Variants in SH3PXD2B observed in about 807,000 individuals in gnomAD.
SH3PXD2B encodes the protein SH3 and PX domain-containing protein 2B.
In SH3PXD2B, 37 loss-of-function variants were observed where a neutral mutation model predicts 73.1. The observed-to-expected ratio is 0.51, with a 90% CI of 0.39 to 0.67. The LOEUF is 0.67. Among genes scored for constraint, SH3PXD2B ranks in the 30% least tolerant of loss-of-function variants. The pLI, the probability that SH3PXD2B is intolerant of heterozygous loss-of-function variation, is 0.00. For synonymous variants in SH3PXD2B, 457 were observed against 480.5 expected, an observed-to-expected ratio of 0.95 and a Z score of 0.64; for missense variants, 1,053 against 1,197.8, an observed-to-expected ratio of 0.88 and a Z score of 1.78.
At chr5:172,404,039 G>A (rs867281659) in intron 3 of SH3PXD2B, among the ~76,000 whole-genome samples, 2 of 152,224 alleles carry the variant, frequency 1.3e-5, no homozygotes, top group African/African-American at 2.4e-5. Context: ...CTGGCCAGCG[G>A]GGTTTTCTCC....
chr5:172,454,500 G>A lies in SH3PXD2B; in HGVS notation c.-148C>T, dbSNP rs1291419947. On this transcript the variant is annotated 5_prime_UTR_variant, in exon 1 of 13. Transcript: ENST00000311601. ...AGCACGAGCCGCCGCCGCCACCGCC[G>A]CCGCCCTTCGCTCGGCGCGCACTCC... 2 of 207,322 alleles carry A rather than the reference G, an allele frequency of 9.6e-6. No individual in the cohort carries two copies. Among genetic ancestry groups the A allele is most frequent in the Non-Finnish European group, 1.7e-5 (2 of 119,952 alleles). 12.8% of individuals were successfully genotyped at this position (207,322 alleles called of 1,614,324 possible).
At chr5:172,341,831 G>A (rs939699525) in intron 12 of SH3PXD2B, among the ~76,000 whole-genome samples, 8 of 147,178 alleles carry the variant, frequency 5.4e-5, no homozygotes, top group African/African-American at 2.0e-4. Context: ...TTTTTTTTTT[G>A]TATTTTTAGT....
chr5:172,430,274 G>A (rs535812357), intron 1 of SH3PXD2B, among the ~76,000 whole-genome samples: 8 of 152,268 alleles, frequency 5.3e-5, no homozygotes, highest in Admixed American at 1.3e-4. Context: ...CCCACAGCCC[G>A]TCCCACCTCT....
In SH3PXD2B at chr5:172,423,548, G is replaced by GC. The variant is rs57117776; in HGVS notation, c.76-1053_76-1052insG. Among the ~76,000 whole-genome samples the GC allele has an allele frequency of 1.2e-3, 143 of 120,330 alleles. 3 individuals carry two copies. Among genetic ancestry groups the GC allele is most frequent in the Middle Eastern group, 4.1e-3 (1 of 246 alleles). The allele number at this position is 120,330 out of a possible 152,430, so 78.9% of individuals were successfully genotyped here. ...CTCACCCACTTGGATACGGGGTTGG[G>GC]GGGGGGGGCGCACATTCTCTGTTCA... On this transcript the variant is annotated intron_variant, in intron 1 of 12. Coordinates refer to ENST00000311601, the MANE Select transcript of SH3PXD2B (RefSeq NM_001017995.3).
At chr5:172,378,091 T>G (rs541342481) in intron 5 of SH3PXD2B, among the ~76,000 whole-genome samples, 1 of 152,318 alleles carries the variant, frequency 6.6e-6, no homozygotes, top group African/African-American at 2.4e-5. Context: ...CCATGCAGCC[T>G]CCGGGACTTC....
intron 1 of SH3PXD2B, among the ~76,000 whole-genome samples, chr5:172,444,068 G>A (rs1000104839): frequency 3.3e-5 from 5 of 152,102 alleles, no homozygotes; most frequent in Non-Finnish European, 7.4e-5. Context: ...CAGCAACAGC[G>A]CCCTGAATCT....
At chr5:172,355,670 G>A (rs1040339207) in intron 8 of SH3PXD2B, among the ~76,000 whole-genome samples, 1 of 151,592 alleles carries the variant, frequency 6.6e-6, no homozygotes, top group Non-Finnish European at 1.5e-5. Context: ...TCAGCCTCCC[G>A]AGTAGCTGGG....
At chr5:172,419,138 G>C (rs1758892835) in intron 2 of SH3PXD2B, among the ~76,000 whole-genome samples, 1 of 152,186 alleles carries the variant, frequency 6.6e-6, no homozygotes, top group African/African-American at 2.4e-5. Context: ...CCCAAGCTGA[G>C]CCCTGAACAG....
downstream of SH3PXD2B, among the ~76,000 whole-genome samples, chr5:172,332,276 C>T (rs1756572084): frequency 7.5e-6 from 1 of 133,440 alleles, no homozygotes; most frequent in African/African-American, 2.9e-5. Flanking sequence ...TTTTTTGCGA[C>T]ACAGTCTTGC....
At chr5:172,366,931 C>CTTTTTTTTTTT (rs1226783777) in intron 6 of SH3PXD2B, among the ~76,000 whole-genome samples, 4 of 69,684 alleles carry the variant, frequency 5.7e-5, no homozygotes, top group East Asian at 8.2e-4. Flanking sequence ...CGTGCCCGGC[C>CTTTTTTTTTTT]ATTTTTTTTT....
intron 3 of SH3PXD2B, among the ~76,000 whole-genome samples, chr5:172,401,973 A>G (rs1354000319): frequency 1.3e-5 from 2 of 152,256 alleles, no homozygotes; most frequent in African/African-American, 2.4e-5. Flanking sequence ...AAAGAACAGG[A>G]TAACAGCAAT....
At chr5:172,332,042 G>A (rs141764955), downstream of SH3PXD2B, among the ~76,000 whole-genome samples, 21 of 152,314 alleles carry the variant, frequency 1.4e-4, no homozygotes, top group African/African-American at 4.6e-4. Context: ...CAGAAATGTA[G>A]TGAGAGGGCA....
chr5:172,416,947 G>A (rs1278510711), intron 2 of SH3PXD2B, among the ~76,000 whole-genome samples: 1 of 151,944 alleles, frequency 6.6e-6, no homozygotes, highest in Non-Finnish European at 1.5e-5. Context: ...GGGCTTAAGT[G>A]ATCTGTCTGC....
chr5:172,347,486 A>G (rs1290748636), intron 10 of SH3PXD2B, among the ~76,000 whole-genome samples, 154 bp from the exon 11 acceptor site: 1 of 152,158 alleles, frequency 6.6e-6, no homozygotes, highest in Admixed American at 6.5e-5. Flanking sequence ...GGCAGGAAGG[A>G]GCTGCTCACG....
intron 3 of SH3PXD2B, among the ~76,000 whole-genome samples, chr5:172,401,889 C>T (rs1012659704): frequency 8.5e-5 from 13 of 152,054 alleles, no homozygotes; most frequent in African/African-American, 1.2e-4. Flanking sequence ...GGATGTATGT[C>T]GCCTCAGGAC....
intron 1 of SH3PXD2B, among the ~76,000 whole-genome samples, chr5:172,429,990 T>C (rs566853808): frequency 6.6e-6 from 1 of 152,350 alleles, no homozygotes; most frequent in African/African-American, 2.4e-5. Context: ...ATTTATATCC[T>C]GCTTCCTTCT....
intron 1 of SH3PXD2B, among the ~76,000 whole-genome samples, chr5:172,447,328 T>C (rs983847719): frequency 6.6e-6 from 1 of 152,252 alleles, no homozygotes; most frequent in African/African-American, 2.4e-5. Flanking sequence ...CAGCTTTAGC[T>C]ATTTAATATG....
intron 4 of SH3PXD2B, among the ~76,000 whole-genome samples, chr5:172,387,595 C>G (rs191693446): frequency 6.6e-6 from 1 of 152,272 alleles, no homozygotes; most frequent in Admixed American, 6.5e-5. Flanking sequence ...CTGATCCTGC[C>G]TCTAGAATGT....
chr5:172,422,341 T>C, intron 2 of SH3PXD2B, 75 bp downstream of exon 2: 1 of 1,368,532 alleles, frequency 7.3e-7, no homozygotes, highest in Non-Finnish European at 1.0e-6. Flanking sequence ...TTCTGGACTC[T>C]AAAGCTGTAG....
Sources: allele counts gnomAD v4.1 joint callset (sites outside exome capture counted in the v4.1 genomes callset), GRCh38; gene constraint gnomAD v4.1.1; transcripts MANE v1.5; gene names NCBI Gene and HGNC (gene_info 2026-07-23, HGNC 2026-07-21).